RAB38: variants seen among roughly 807,000 people sequenced by gnomAD.
RAB38 encodes ras-related protein Rab-38.
A neutral mutation model predicts 18.4 loss-of-function variants in RAB38; 15 were observed. That is an observed-to-expected ratio of 0.82 (90% CI 0.55 to 1.26). The LOEUF (loss-of-function observed/expected upper bound fraction) is 1.26. Among genes scored for constraint, RAB38 ranks in the 50% most tolerant of loss-of-function variants. The pLI is 0.00. For synonymous variants in RAB38, 101 were observed against 104.4 expected, an observed-to-expected ratio of 0.97 and a Z score of 0.20; for missense variants, 294 against 267.4, an observed-to-expected ratio of 1.10 and a Z score of -0.69.
chr11:87,967,374 T>G, the RAB38 span, among the ~76,000 whole-genome samples: 1 of 152,218 alleles, frequency 6.6e-6, no homozygotes, highest in Non-Finnish European at 1.5e-5. Context: ...TGGACCAACT[T>G]CAGAGCCTTC....
At chr11:88,013,309 A>C in the RAB38 span, among the ~76,000 whole-genome samples, 3 of 152,252 alleles carry the variant, frequency 2.0e-5, no homozygotes, top group East Asian at 5.8e-4. Context: ...GCTGAGGAAC[A>C]TATTTTGTTT....
chr11:87,833,202 C>T, the RAB38 span, among the ~76,000 whole-genome samples: 1 of 152,222 alleles, frequency 6.6e-6, no homozygotes, highest in African/African-American at 2.4e-5. Flanking sequence ...ATTCTGACCA[C>T]ACAGACCTGT....
the RAB38 span, among the ~76,000 whole-genome samples, chr11:87,929,080 C>T: frequency 2.0e-5 from 3 of 151,830 alleles, no homozygotes; most frequent in Non-Finnish European, 4.4e-5. Context: ...ACAACACTGC[C>T]CTCCAGCCTG....
At chr11:87,854,773 A>T in the RAB38 span, among the ~76,000 whole-genome samples, 3 of 152,122 alleles carry the variant, frequency 2.0e-5, no homozygotes, top group Non-Finnish European at 4.4e-5. Flanking sequence ...AAGACATTTC[A>T]TGCATTTGGG....
At chr11:88,042,709 C>G in the RAB38 span, among the ~76,000 whole-genome samples, 1 of 152,144 alleles carries the variant, frequency 6.6e-6, no homozygotes, top group South Asian at 2.1e-4. Context: ...CACTAGAGAT[C>G]AAGCCAGAGG....
the RAB38 span, among the ~76,000 whole-genome samples, chr11:87,970,515 C>A: frequency 9.9e-5 from 15 of 152,050 alleles, no homozygotes; most frequent in Admixed American, 6.6e-4. Flanking sequence ...CATACCTCCC[C>A]CAAGTTCCCG....
At chr11:88,050,398 A>G in the RAB38 span, among the ~76,000 whole-genome samples, 1 of 152,106 alleles carries the variant, frequency 6.6e-6, no homozygotes, top group Admixed American at 6.5e-5. Context: ...AAGCTACAAG[A>G]TCCTTATCTA....
chr11:87,871,762 T>C, the RAB38 span, among the ~76,000 whole-genome samples: 2 of 151,564 alleles, frequency 1.3e-5, no homozygotes, highest in African/African-American at 2.4e-5. Context: ...GAAATTTATA[T>C]AAGTAGAAGC....
the RAB38 span, among the ~76,000 whole-genome samples, chr11:88,039,336 T>TA: frequency 2.6e-4 from 40 of 151,698 alleles, no homozygotes; most frequent in East Asian, 5.8e-4. Context: ...ACTTGCCATT[T>TA]AAAAAAAAAC....
chr11:87,846,259 TAA>T, the RAB38 span, among the ~76,000 whole-genome samples: 1 of 152,014 alleles, frequency 6.6e-6, no homozygotes, highest in African/African-American at 2.4e-5. Context: ...AATAATTACA[TAA>T]AACGTTATTG....
the RAB38 span, among the ~76,000 whole-genome samples, chr11:87,832,911 G>A: frequency 6.6e-6 from 1 of 152,160 alleles, no homozygotes; most frequent in East Asian, 1.9e-4. Flanking sequence ...TGGGGGGACG[G>A]AGGACATTAT....
the RAB38 span, among the ~76,000 whole-genome samples, chr11:88,035,198 T>C: frequency 6.6e-6 from 1 of 152,214 alleles, no homozygotes. Context: ...GAGTAATTTC[T>C]TCATCCTTTT....
the RAB38 span, among the ~76,000 whole-genome samples, chr11:88,079,204 G>C: frequency 3.3e-5 from 5 of 151,854 alleles, no homozygotes; most frequent in East Asian, 9.7e-4. Flanking sequence ...AACTGGAAGA[G>C]AGAAGAAACA....
chr11:87,925,346 G>A, the RAB38 span, among the ~76,000 whole-genome samples: 8 of 152,052 alleles, frequency 5.3e-5, no homozygotes, highest in South Asian at 4.1e-4. Flanking sequence ...ATTTTTCTAC[G>A]AATATTTACC....
the RAB38 span, among the ~76,000 whole-genome samples, chr11:87,853,966 G>A: frequency 2.6e-5 from 4 of 152,190 alleles, no homozygotes; most frequent in Non-Finnish European, 5.9e-5. Flanking sequence ...AGGCCATCTG[G>A]GATTCATGTC....
the RAB38 span, among the ~76,000 whole-genome samples, chr11:87,976,440 T>A: frequency 2.7e-5 from 3 of 112,610 alleles, no homozygotes; most frequent in Non-Finnish European, 5.6e-5. Context: ...GCATTTATAT[T>A]TTTTATATTT....
intron 2 of RAB38, among the ~76,000 whole-genome samples, chr11:88,143,145 C>T (rs576047042): frequency 7.0e-4 from 106 of 152,268 alleles, no homozygotes; most frequent in African/African-American, 2.4e-3. Flanking sequence ...TTTGACATAC[C>T]GCAATGAGAT....
the RAB38 span, among the ~76,000 whole-genome samples, chr11:87,949,425 C>A: frequency 6.6e-6 from 1 of 152,140 alleles, no homozygotes; most frequent in African/African-American, 2.4e-5. Context: ...TTCTTGCCTT[C>A]TGCTAGTTTT....
chr11:87,913,635 T>A, the RAB38 span, among the ~76,000 whole-genome samples: 1 of 152,162 alleles, frequency 6.6e-6, no homozygotes, highest in Non-Finnish European at 1.5e-5. Context: ...GTGGGAGATA[T>A]GTGAGTCATG....
Sources: gnomAD v4.1 joint callset for allele counts (sites outside exome capture counted in the v4.1 genomes callset) on GRCh38, gnomAD v4.1.1 for gene constraint, MANE v1.5 for transcripts, NCBI Gene and HGNC (gene_info 2026-07-23, HGNC 2026-07-21) for gene names.